Variants in GPR176 observed in about 807,000 individuals in gnomAD.
GPR176 encodes G-protein coupled receptor 176.
GPR176 carries 26 observed loss-of-function variants against 35.4 expected under a neutral mutation model. The observed-to-expected ratio is 0.74, with a 90% CI of 0.54 to 1.02. The LOEUF (loss-of-function observed/expected upper bound fraction) is 1.02. Among genes scored for constraint, GPR176 ranks in the 50% least tolerant of loss-of-function variants. The probability of loss-of-function intolerance (pLI) is 0.00; values close to 1 mark genes in which losing one functional copy is unlikely to be tolerated. For synonymous variants in GPR176, 278 were observed against 271.3 expected (o/e 1.02, Z -0.24); for missense variants, 597 against 665.3 (o/e 0.90, Z 1.13).
intron 1 of GPR176, among the ~76,000 whole-genome samples, chr15:39,837,440 C>A (rs1416441119): frequency 1.3e-5 from 2 of 152,106 alleles, no homozygotes; most frequent in African/African-American, 2.4e-5. Context: ...AATTCCCTTG[C>A]CTCTTGTACA....
chr15:39,870,584 G>T (rs2032008172), intron 1 of GPR176, among the ~76,000 whole-genome samples: 1 of 152,110 alleles, frequency 6.6e-6, no homozygotes, highest in Non-Finnish European at 1.5e-5. Context: ...TGGAGAATTG[G>T]TGTGGGAGGC....
intron 1 of GPR176, among the ~76,000 whole-genome samples, chr15:39,841,308 G>A (rs2029958064): frequency 6.6e-6 from 1 of 152,040 alleles, no homozygotes; most frequent in Non-Finnish European, 1.5e-5. Flanking sequence ...TCTGTTATAA[G>A]TTGAATTGTG....
At position 39,802,193 on chromosome 15, in the gene GPR176, C is replaced by A. The variant is rs1345886640; in HGVS notation, c.487G>T (p.Val163Leu). ...ACTGCATGGGCCCAGATGTACATCA[C>A]CAGTTCACGGGACTTGGCATCAGAT... ...KISDAKSREL[V>L]MYIWAHAVVA... The change falls in exon 3 of 3, where the codon GTG becomes TTG. Residue 163 changes from valine (V) to leucine (L), a missense_variant. Val to Leu is a conservative substitution (Grantham distance 32). Around this residue, in one of 3 missense-constraint regions of GPR176, gnomAD observed 220 missense variants for 297.6 expected, o/e 0.74. Coordinates refer to ENST00000561100, the MANE Select transcript of GPR176 (RefSeq NM_007223.3). The A allele has an allele frequency of 6.2e-7, 1 of 1,614,000 alleles. No individual in the cohort carries two copies. Among genetic ancestry groups the A allele is most frequent in the South Asian group, 1.1e-5 (1 of 91,062 alleles).
At chr15:39,811,638 G>A (rs1016765805) in intron 1 of GPR176, among the ~76,000 whole-genome samples, 3 of 152,020 alleles carry the variant, frequency 2.0e-5, no homozygotes, top group Non-Finnish European at 4.4e-5. Context: ...TTCCAGATTC[G>A]GGGTGTGGTG....
At chr15:39,853,349 C>A (rs2140812203) in intron 1 of GPR176, among the ~76,000 whole-genome samples, 1 of 152,202 alleles carries the variant, frequency 6.6e-6, no homozygotes, top group Middle Eastern at 3.4e-3. Flanking sequence ...TATGAGATAT[C>A]TAAAGTAGTC....
chr15:39,847,992 G>C (rs1400510125), intron 1 of GPR176, among the ~76,000 whole-genome samples: 1 of 152,078 alleles, frequency 6.6e-6, no homozygotes, highest in Non-Finnish European at 1.5e-5. Context: ...GTGGGAGACA[G>C]AGTAAAGGGG....
chr15:39,823,142 T>C (rs1043921567), intron 1 of GPR176, among the ~76,000 whole-genome samples: 1 of 152,230 alleles, frequency 6.6e-6, no homozygotes, highest in East Asian at 1.9e-4. Flanking sequence ...CTTCTCATGC[T>C]ATCCTCTTCT....
chr15:39,877,658 G>T (rs692938), intron 1 of GPR176, among the ~76,000 whole-genome samples: 129,394 of 151,680 alleles, frequency 0.85, 55,564 homozygotes, highest in African/African-American at 0.94. Flanking sequence ...CCTCCCGGGT[G>T]CAGGCAATTC....
chr15:39,878,139 G>T (rs896341336), intron 1 of GPR176, among the ~76,000 whole-genome samples: 1 of 27,004 alleles, frequency 3.7e-5, no homozygotes, highest in Non-Finnish European at 1.2e-4. Flanking sequence ...TGTGTGTTGA[G>T]AACATTTAAG....
intron 1 of GPR176, among the ~76,000 whole-genome samples, chr15:39,868,965 C>G (rs575216069): frequency 1.1e-4 from 17 of 151,542 alleles, no homozygotes; most frequent in Middle Eastern, 3.4e-3. Context: ...TAAGAAATCC[C>G]CCAAATACAG....
At chr15:39,870,146 T>C (rs80110792) in intron 1 of GPR176, among the ~76,000 whole-genome samples, 2 of 152,126 alleles carry the variant, frequency 1.3e-5, no homozygotes, top group African/African-American at 2.4e-5. Flanking sequence ...CCTGCCCCCA[T>C]TGTCACATCT....
rs143801130 is a variant in GPR176 at position 39,822,087 on chromosome 15, G to A, written c.173-14829C>T. ...AAGAGGCTCATGTGGTAAGGAACTG[G>A]GGCCTCCTGCCAACAGCCATGTGAA... is the stretch of plus-strand genomic sequence containing the variant. On this transcript the variant is annotated intron_variant, in intron 1 of 2. Transcript: ENST00000561100. Among the ~76,000 whole-genome samples the A allele has an allele frequency of 4.4e-3, 671 of 152,312 alleles. 7 individuals carry two copies. The highest frequency in any genetic ancestry group is 0.015 in the African/African-American group (643 of 41,554).
At chr15:39,811,692 A>G (rs542169200) in intron 1 of GPR176, among the ~76,000 whole-genome samples, 90 of 152,126 alleles carry the variant, frequency 5.9e-4, no homozygotes, top group Non-Finnish European at 7.4e-4. Context: ...CAAGGCGGGC[A>G]GATCACGAGG....
chr15:39,906,885 G>C lies in GPR176; in HGVS notation c.172+12970C>G, dbSNP rs543706171. On this transcript the variant is annotated intron_variant, in intron 1 of 2. Transcript: ENST00000561100. ...TGTATTGAGCACAAACTATGCACCA[G>C]GCACTGTTCTAAATATTGGGGACAC... Among the ~76,000 whole-genome samples, 3 of 152,316 alleles carry C rather than the reference G, an allele frequency of 2.0e-5. No homozygotes were observed. The East Asian group carries it at 5.8e-4, about 29-fold the overall frequency.
At chr15:39,819,090 G>A (rs1413897161) in intron 1 of GPR176, among the ~76,000 whole-genome samples, 1 of 152,118 alleles carries the variant, frequency 6.6e-6, no homozygotes, top group Non-Finnish European at 1.5e-5. Flanking sequence ...TAGGTATATG[G>A]AGAAAACTTC....
rs1595459607 is a variant in GPR176 at position 39,830,354 on chromosome 15, A to C, written c.173-23096T>G. Among the ~76,000 whole-genome samples the C allele has an allele frequency of 2.0e-5, 3 of 152,252 alleles. No homozygotes were observed. The South Asian group carries it at 6.2e-4, about 32-fold the overall frequency. ...AAACGAGTTTGACATATAGATAGAT[A>C]AGTATTTACTAAACAAATGATGGAG... On this transcript the variant is annotated intron_variant, in intron 1 of 2. Transcript: ENST00000561100.
intron 1 of GPR176, among the ~76,000 whole-genome samples, chr15:39,883,528 C>T (rs2032560263): frequency 6.6e-6 from 1 of 152,056 alleles, no homozygotes; most frequent in Non-Finnish European, 1.5e-5. Flanking sequence ...CCCAAAGTTT[C>T]CCCCATCTCA....
In GPR176 at chr15:39,854,427, T is replaced by C. The variant is rs560602066; in HGVS notation, c.173-47169A>G. 2.5e-4 allele frequency among the ~76,000 whole-genome samples: 38 copies of C among 152,276 alleles called. 1 individual carries two copies. Among genetic ancestry groups the C allele is most frequent in the Admixed American group, 1.6e-3 (25 of 15,286 alleles). On this transcript the variant is annotated intron_variant, in intron 1 of 2. Transcript: ENST00000561100. The stretch of plus-strand genomic sequence containing the variant: ...AATTTCCTTGAACCCCTTACTTTTA[T>C]GGTGTAGAAAACTCCAAAGTATTAC...
intron 1 of GPR176, chr15:39,861,963 A>C (rs11070236): frequency 0.53 from 80,010 of 152,004 alleles, 21,643 homozygotes; most frequent in East Asian, 0.77. Context: ...TCTCTGTTCT[A>C]GGTTATTGTG....
Sources: allele counts gnomAD v4.1 joint callset (sites outside exome capture counted in the v4.1 genomes callset), GRCh38; gene constraint gnomAD v4.1.1; regional missense constraint gnomAD v4.1.1; transcripts MANE v1.5; gene names NCBI Gene and HGNC (gene_info 2026-07-23, HGNC 2026-07-21).